GALNT11: variants seen among roughly 807,000 people sequenced by gnomAD.
GALNT11 encodes the protein polypeptide N-acetylgalactosaminyltransferase 11.
GALNT11 carries 47 observed loss-of-function variants against 72.7 expected under a neutral mutation model. That is an observed-to-expected ratio of 0.65 (90% CI 0.51 to 0.82). The LOEUF is 0.82. GALNT11 is among the 40% of genes least tolerant of loss of function. The pLI, the probability that GALNT11 is intolerant of heterozygous loss-of-function variation, is 0.00. For missense variants in GALNT11, 677 were observed against 778.4 expected (o/e 0.87, Z 1.55); for synonymous variants, 270 against 286.6 (o/e 0.94, Z 0.58).
rs912108361 is a variant in GALNT11, at chr7:152,055,567, GTA to G, written c.-39+29690_-39+29691del. Among the ~76,000 whole-genome samples, 489 of 120,404 alleles carry G rather than the reference GTA, an allele frequency of 4.1e-3. 4 individuals carry two copies. Among genetic ancestry groups the G allele is most frequent in the East Asian group, 6.9e-3 (27 of 3,940 alleles). 79.0% of individuals were successfully genotyped at this position (120,404 alleles called of 152,430 possible). ...TGTGTGTGTGTGTGTGTGTGTGTGT[GTA>G]TATATACATATATATATATACACAC... On this transcript the variant is annotated intron_variant, in intron 1 of 11. Coordinates refer to ENST00000430044, the MANE Select transcript of GALNT11 (RefSeq NM_022087.4).
chr7:152,060,419 T>A (rs1299879805), intron 1 of GALNT11, among the ~76,000 whole-genome samples: 1 of 152,210 alleles, frequency 6.6e-6, no homozygotes, highest in African/African-American at 2.4e-5. Context: ...GGCCTAGCTT[T>A]CAGCCCATCT....
intron 1 of GALNT11, among the ~76,000 whole-genome samples, chr7:152,061,393 G>C (rs2084007748): frequency 6.6e-6 from 1 of 152,282 alleles, no homozygotes; most frequent in African/African-American, 2.4e-5. Flanking sequence ...CAGATGAGTA[G>C]ATTGTAAAAT....
intron 1 of GALNT11, among the ~76,000 whole-genome samples, chr7:152,051,192 T>C (rs967346593): frequency 1.3e-5 from 2 of 148,848 alleles, no homozygotes; most frequent in African/African-American, 2.5e-5. Flanking sequence ...TAGAATTATA[T>C]CTGGTTGTTT....
chr7:152,063,376 C>T (rs146575138), intron 1 of GALNT11, among the ~76,000 whole-genome samples: 7,721 of 152,078 alleles, frequency 0.051, 339 homozygotes, highest in East Asian at 0.2. Context: ...GTCTTGCTAG[C>T]GGTCTATCAA....
chr7:152,111,459 T>C (rs1249161693), intron 7 of GALNT11, among the ~76,000 whole-genome samples: 1 of 152,142 alleles, frequency 6.6e-6, no homozygotes, highest in Admixed American at 6.5e-5. Context: ...CTAGTCTGTT[T>C]TTATGGATTT....
intron 1 of GALNT11, among the ~76,000 whole-genome samples, chr7:152,066,139 G>A (rs571451107): frequency 8.5e-5 from 13 of 152,262 alleles, no homozygotes; most frequent in Non-Finnish European, 1.0e-4. Context: ...CAGCAATGGC[G>A]GGCACCCCTC....
At chr7:152,099,089 G>A (rs1480623651) in intron 2 of GALNT11, among the ~76,000 whole-genome samples, 1 of 152,062 alleles carries the variant, frequency 6.6e-6, no homozygotes, top group South Asian at 2.1e-4. Context: ...TTACAGGCGT[G>A]TGCCACCATG....
intron 1 of GALNT11, among the ~76,000 whole-genome samples, chr7:152,039,264 A>C (rs975482811): frequency 6.6e-6 from 1 of 152,098 alleles, no homozygotes; most frequent in African/African-American, 2.4e-5. Flanking sequence ...AAGTATGTTC[A>C]TTTTTTCTTG....
intron 2 of GALNT11, among the ~76,000 whole-genome samples, chr7:152,100,345 A>G (rs2086770618): frequency 6.6e-6 from 1 of 152,082 alleles, no homozygotes; most frequent in Non-Finnish European, 1.5e-5. Flanking sequence ...AGGTGGGCAG[A>G]TCACGAGGTC....
At chr7:152,055,520 CGTGTGTGTGTGTGT>C (rs3031460) in intron 1 of GALNT11, among the ~76,000 whole-genome samples, 3,814 of 136,492 alleles carry the variant, frequency 0.028, 168 homozygotes, top group African/African-American at 0.097. Context: ...ATATATAAAG[CGTGTGTGTGTGTGT>C]GTGTGTGTGT....
At chr7:152,059,642 G>T (rs2083891678) in intron 1 of GALNT11, among the ~76,000 whole-genome samples, 1 of 152,144 alleles carries the variant, frequency 6.6e-6, no homozygotes, top group Non-Finnish European at 1.5e-5. Context: ...TGAGAGTTTT[G>T]GGGTGACTAG....
intron 1 of GALNT11, among the ~76,000 whole-genome samples, chr7:152,081,713 A>G (rs569186851): frequency 2.6e-5 from 4 of 152,190 alleles, no homozygotes; most frequent in African/African-American, 9.6e-5. Context: ...TCCTCTTCTT[A>G]TGGGTATCAG....
chr7:152,108,846 G>C (rs2129058195), intron 6 of GALNT11, among the ~76,000 whole-genome samples: 1 of 152,174 alleles, frequency 6.6e-6, no homozygotes, highest in East Asian at 1.9e-4. Flanking sequence ...AATTCAAAGA[G>C]GTGTACCTGT....
chr7:152,085,895 G>T (rs1186980628), intron 1 of GALNT11, among the ~76,000 whole-genome samples: 2 of 139,768 alleles, frequency 1.4e-5, no homozygotes, highest in East Asian at 2.1e-4. Flanking sequence ...TTTGTTTTTT[G>T]TTTTTTTTTT....
intron 1 of GALNT11, among the ~76,000 whole-genome samples, chr7:152,065,155 T>C (rs2084237031): frequency 6.6e-6 from 1 of 152,206 alleles, no homozygotes; most frequent in Admixed American, 6.5e-5. Context: ...TTCATTTCTT[T>C]TTACTCTTTT....
chr7:152,072,847 T>C (rs2084739369), intron 1 of GALNT11, among the ~76,000 whole-genome samples: 1 of 152,244 alleles, frequency 6.6e-6, no homozygotes, highest in Admixed American at 6.5e-5. Flanking sequence ...TTACTTTGTG[T>C]GTGCTTGTGG....
intron 4 of GALNT11, 195 bp downstream of exon 4, chr7:152,103,473 A>C: frequency 2.1e-6 from 1 of 478,610 alleles, no homozygotes; most frequent in Non-Finnish European, 3.5e-6. Flanking sequence ...TGCTACCCAA[A>C]TTTGGGCCGT....
rs1039728110 is a variant in GALNT11, at chr7:152,107,833, A to C, written c.713-205A>C. The C allele has an allele frequency of 9.1e-6, 5 of 547,358 alleles. No homozygotes were observed. The African/African-American group carries it at 9.4e-5, about 10-fold the overall frequency. The allele number at this position is 547,358 out of a possible 1,614,324, so 33.9% of individuals were successfully genotyped here. On this transcript the variant is annotated intron_variant, in intron 5 of 11. Transcript: ENST00000430044. ...TTTGTATGGGTCCCTCAATCACAGC[A>C]GGACACTGCACGCAGCATTACTGGC... is the stretch of plus-strand genomic sequence containing the variant.
chr7:152,034,814 G>A lies in GALNT11; in HGVS notation c.-39+8930G>A, dbSNP rs550299863. ...TAGACCACAAGGAGGACCGAGGAAGGTCGGATTTAGTGGCCCTTACCAATG... is the reference window on the plus strand; with the variant it reads ...TAGACCACAAGGAGGACCGAGGAAGATCGGATTTAGTGGCCCTTACCAATG... On this transcript the variant is annotated intron_variant, in intron 1 of 11. Transcript: ENST00000430044. Among the ~76,000 whole-genome samples, 11 of 152,176 alleles carry A rather than the reference G, an allele frequency of 7.2e-5. No homozygotes were observed. The South Asian group carries it at 1.9e-3, about 26-fold the overall frequency.
Sources: allele counts gnomAD v4.1 joint callset (sites outside exome capture counted in the v4.1 genomes callset), GRCh38; gene constraint gnomAD v4.1.1; transcripts MANE v1.5; gene names NCBI Gene and HGNC (gene_info 2026-07-23, HGNC 2026-07-21).